The following KDM3B variants were observed in gnomAD, a reference collection of about 807,000 sequenced individuals.
KDM3B encodes the protein lysine demethylase 3B, also known as lysine-specific demethylase 3B.
A neutral mutation model predicts 170.0 loss-of-function variants in KDM3B; 10 were observed. The observed-to-expected ratio is 0.06, with a 90% CI of 0.04 to 0.10. KDM3B has a LOEUF of 0.10. KDM3B is among the 10% of genes least tolerant of loss of function. KDM3B has a pLI of 1.00. For synonymous variants in KDM3B, 831 were observed against 834.8 expected (o/e 1.00, Z 0.08); for missense variants, 1,394 against 2,195.2 (o/e 0.64, Z 7.29).
At chr5:138,412,799 T>C (rs1763007083) in intron 11 of KDM3B, among the ~76,000 whole-genome samples, 2 of 152,112 alleles carry the variant, frequency 1.3e-5, no homozygotes, top group African/African-American at 4.8e-5. Flanking sequence ...TTTTTGTTAT[T>C]GTTGTTCTGT....
chr5:138,364,405 C>T (rs534817442), intron 1 of KDM3B, among the ~76,000 whole-genome samples: 103 of 152,058 alleles, frequency 6.8e-4, no homozygotes, highest in African/African-American at 2.4e-3. Context: ...AGTAATTTAA[C>T]TCTTCTCTTT....
intron 1 of KDM3B, among the ~76,000 whole-genome samples, chr5:138,356,111 TCA>T (rs1469953504): frequency 6.6e-6 from 1 of 152,216 alleles, no homozygotes; most frequent in Non-Finnish European, 1.5e-5. Context: ...CATAATTTAT[TCA>T]GTTATTCCTC....
intron 23 of KDM3B, among the ~76,000 whole-genome samples, 153 bp downstream of exon 23, chr5:138,431,712 C>CAAA (rs1299740282): frequency 2.6e-4 from 39 of 152,226 alleles, no homozygotes; most frequent in African/African-American, 6.0e-4. Context: ...ATATGGAGTC[C>CAAA]TTTTAGGAAG....
intron 12 of KDM3B, among the ~76,000 whole-genome samples, chr5:138,416,610 AC>A (rs1228154528): frequency 8.0e-4 from 109 of 135,794 alleles, no homozygotes; most frequent in Admixed American, 1.8e-3. Flanking sequence ...AAAAAAAAAA[AC>A]ATAACAAAAA....
At chr5:138,369,894 G>T (rs1470833250) in intron 1 of KDM3B, among the ~76,000 whole-genome samples, 1 of 152,174 alleles carries the variant, frequency 6.6e-6, no homozygotes, top group East Asian at 1.9e-4. Context: ...TATCACACAA[G>T]AGGAAACTAA....
At chr5:138,416,923 C>T (rs1024172360) in intron 12 of KDM3B, among the ~76,000 whole-genome samples, 1 of 152,126 alleles carries the variant, frequency 6.6e-6, no homozygotes, top group Non-Finnish European at 1.5e-5. Context: ...TAGAATCAAG[C>T]GATTCTCGTG....
chr5:138,387,400 CA>C (rs1561770453), intron 7 of KDM3B, among the ~76,000 whole-genome samples: 1 of 151,936 alleles, frequency 6.6e-6, no homozygotes, highest in African/African-American at 2.4e-5. Flanking sequence ...ATATGAAATA[CA>C]GAGATGAAAT....
Position 138,381,647 on chromosome 5 carries a change from G to A in KDM3B, c.780+57G>A, listed in dbSNP as rs189867020. The A allele has an allele frequency of 4.9e-5, 52 of 1,070,534 alleles. No homozygotes were observed. In the East Asian group the frequency reaches 1.2e-3, roughly 25 times the overall value. 66.3% of individuals were successfully genotyped at this position (1,070,534 alleles called of 1,614,324 possible). On this transcript the variant is annotated intron_variant, in intron 6 of 23. Transcript: ENST00000314358. Reference sequence around the variant, plus strand: ...TCATGAGCTTGCATTATCTTGCTGTGTGTAGATCCCTTATATATGTGTTTT... The same window carrying A: ...TCATGAGCTTGCATTATCTTGCTGTATGTAGATCCCTTATATATGTGTTTT...
chr5:138,356,716 C>G (rs992467737), intron 1 of KDM3B, among the ~76,000 whole-genome samples: 5 of 145,564 alleles, frequency 3.4e-5, no homozygotes, highest in Non-Finnish European at 7.4e-5. Context: ...CATCTCAGCT[C>G]ACTGCAACCT....
At chr5:138,414,312 A>C (rs749116751) in intron 11 of KDM3B, among the ~76,000 whole-genome samples, 1 of 151,960 alleles carries the variant, frequency 6.6e-6, no homozygotes, top group Admixed American at 6.6e-5. Context: ...ACCACAGACA[A>C]CCGCCACCAC....
At position 138,428,082 on chromosome 5, in the gene KDM3B, T is replaced by C. The variant is rs1449799249; in HGVS notation, c.4749T>C (p.Asp1583=). 6 of 1,613,946 alleles carry C rather than the reference T, an allele frequency of 3.7e-6. No homozygotes were observed. Among genetic ancestry groups the C allele is most frequent in the Non-Finnish European group, 5.1e-6 (6 of 1,179,886 alleles). Residue 1583 remains aspartate (D), a synonymous_variant, in exon 20 of 24, where the codon GAT becomes GAC. Coordinates refer to ENST00000314358, the MANE Select transcript of KDM3B (RefSeq NM_016604.4). ...TTCCCATCGGGGAGGGTGCTCATGA[T>C]GAAGGTATGCTTTCTAGAATCCACT... is the stretch of plus-strand genomic sequence containing the variant. ...VGIPIGEGAH[D]EEVLKTIDEG... is the part of the protein sequence containing the mutation.
intron 12 of KDM3B, 102 bp from the exon 13 acceptor site, chr5:138,417,381 G>C: frequency 8.8e-7 from 1 of 1,133,694 alleles, no homozygotes; most frequent in East Asian, 2.6e-5. Flanking sequence ...TTATTGAAAT[G>C]TGGTAAGGAT....
chr5:138,369,556 T>C (rs927356654), intron 1 of KDM3B, among the ~76,000 whole-genome samples: 10 of 152,178 alleles, frequency 6.6e-5, no homozygotes, highest in Non-Finnish European at 1.3e-4. Flanking sequence ...GCCCCAATCT[T>C]TTATCCAAGT....
At chr5:138,388,449 G>A (rs879044263) in intron 7 of KDM3B, among the ~76,000 whole-genome samples, 10 of 151,774 alleles carry the variant, frequency 6.6e-5, no homozygotes, top group Admixed American at 1.3e-4. Context: ...TGGCTAACAC[G>A]GTGAAACCCC....
intron 1 of KDM3B, 66 bp downstream of exon 1, chr5:138,353,053 G>C (rs1012009829): frequency 8.5e-7 from 1 of 1,171,410 alleles, no homozygotes; most frequent in Non-Finnish European, 1.1e-6. Context: ...CCTCCCCGGG[G>C]GCCTTTGTGA....
chr5:138,406,981 A>ATT lies in KDM3B; in HGVS notation c.3199+6990_3199+6991dup, dbSNP rs745918786. On this transcript the variant is annotated intron_variant, in intron 11 of 23. Coordinates refer to ENST00000314358, the MANE Select transcript of KDM3B (RefSeq NM_016604.4). ...AATTATGAACATTATTATGCCAATAATTTTTTTTTTTTTTTTTTTTTTGAG... is the reference window on the plus strand; with the variant it reads ...AATTATGAACATTATTATGCCAATAATTTTTTTTTTTTTTTTTTTTTTTTGAG... Among the ~76,000 whole-genome samples the ATT allele has an allele frequency of 8.1e-3, 958 of 119,000 alleles. 14 individuals are homozygous for ATT. The highest frequency in any genetic ancestry group is 0.01 in the African/African-American group (326 of 31,650). The allele number at this position is 119,000 out of a possible 152,430, so 78.1% of individuals were successfully genotyped here.
intron 3 of KDM3B, among the ~76,000 whole-genome samples, chr5:138,376,783 C>T (rs1227645303): frequency 6.6e-6 from 1 of 151,450 alleles, no homozygotes; most frequent in African/African-American, 2.4e-5. Context: ...TCCAAGGGGG[C>T]CTATTCATTA....
At chr5:138,387,942 G>C (rs1244265268) in intron 7 of KDM3B, among the ~76,000 whole-genome samples, 1 of 152,074 alleles carries the variant, frequency 6.6e-6, no homozygotes, top group East Asian at 1.9e-4. Flanking sequence ...TTAGCCGGGC[G>C]TGGCGGCGTG....
At chr5:138,423,646 C>T (rs911553201) in intron 15 of KDM3B, among the ~76,000 whole-genome samples, 1 of 152,136 alleles carries the variant, frequency 6.6e-6, no homozygotes, top group Non-Finnish European at 1.5e-5. Flanking sequence ...TGATAAGTCA[C>T]TTCAGTTACT....
Sources: gnomAD v4.1 joint callset for allele counts (sites outside exome capture counted in the v4.1 genomes callset) on GRCh38, gnomAD v4.1.1 for gene constraint, MANE v1.5 for transcripts, NCBI Gene and HGNC (gene_info 2026-07-23, HGNC 2026-07-21) for gene names.